Variants in CAP2 observed in about 807,000 individuals in gnomAD.
The protein encoded by CAP2 is adenylyl cyclase-associated protein 2.
Under a neutral mutation model 57.7 loss-of-function variants are expected in CAP2, and 24 were observed. The observed-to-expected ratio is 0.42, with a 90% CI of 0.30 to 0.58. The LOEUF (loss-of-function observed/expected upper bound fraction) is 0.58. CAP2 is among the 20% of genes least tolerant of loss of function. CAP2 has a pLI of 0.22. For synonymous variants in CAP2, 194 were observed against 207.2 expected, an observed-to-expected ratio of 0.94 and a Z score of 0.55; for missense variants, 501 against 590.3, an observed-to-expected ratio of 0.85 and a Z score of 1.57.
intron 4 of CAP2, among the ~76,000 whole-genome samples, chr6:17,494,939 T>C (rs1761628747): frequency 6.6e-6 from 1 of 152,182 alleles, no homozygotes; most frequent in South Asian, 2.1e-4. Context: ...GTTTTTTGTT[T>C]TGTTTTGTCC....
intron 3 of CAP2, among the ~76,000 whole-genome samples, chr6:17,438,217 T>C (rs1396508821): frequency 2.0e-5 from 3 of 149,738 alleles, no homozygotes; most frequent in Admixed American, 6.6e-5. Context: ...AATACAAAAA[T>C]TAGCTGGGCG....
chr6:17,400,679 T>C lies in CAP2; in HGVS notation c.-2+6933T>C, dbSNP rs185918067. The stretch of plus-strand genomic sequence containing the variant: ...GAGATCAAGACCATCCTAGCTAACA[T>C]GGTGAAACCCCGTCTGTACTAAAAA... On this transcript the variant is annotated intron_variant, in intron 1 of 12. Coordinates refer to ENST00000229922, the MANE Select transcript of CAP2 (RefSeq NM_006366.3). Among the ~76,000 whole-genome samples, 20 of 151,766 alleles carry C rather than the reference T, an allele frequency of 1.3e-4. No individual in the cohort carries two copies. The East Asian group carries it at 3.7e-3, about 28-fold the overall frequency.
intron 4 of CAP2, among the ~76,000 whole-genome samples, chr6:17,484,929 T>C (rs999557071): frequency 6.6e-6 from 1 of 152,214 alleles, no homozygotes; most frequent in African/African-American, 2.4e-5. Context: ...TTTATTTCAC[T>C]GTCTTTGAAA....
chr6:17,486,260 A>C (rs1266581830), intron 4 of CAP2, among the ~76,000 whole-genome samples: 1 of 152,228 alleles, frequency 6.6e-6, no homozygotes, highest in Non-Finnish European at 1.5e-5. Context: ...AAGTTGTGAC[A>C]GTTGATAATT....
chr6:17,540,381 G>A (rs1762869554), intron 8 of CAP2, among the ~76,000 whole-genome samples: 1 of 151,876 alleles, frequency 6.6e-6, no homozygotes, highest in Admixed American at 6.6e-5. Flanking sequence ...TTTTTCGTGA[G>A]GTGGTTTGCT....
intron 1 of CAP2, among the ~76,000 whole-genome samples, chr6:17,408,487 C>T (rs1448443989): frequency 6.6e-6 from 1 of 152,080 alleles, no homozygotes; most frequent in East Asian, 1.9e-4. Context: ...TCCCATTAGG[C>T]TCTACCTGGG....
intron 12 of CAP2, among the ~76,000 whole-genome samples, chr6:17,552,506 G>A (rs183743097): frequency 7.2e-5 from 11 of 152,122 alleles, no homozygotes; most frequent in African/African-American, 1.7e-4. Context: ...AAAATTAGCC[G>A]TGTGAATCCC....
chr6:17,540,879 T>C, intron 8 of CAP2, 94 bp from the exon 9 acceptor site: 1 of 1,263,136 alleles, frequency 7.9e-7, no homozygotes, highest in Non-Finnish European at 1.1e-6. Flanking sequence ...TACCAAAAGT[T>C]CTTGTGCTCT....
intron 6 of CAP2, among the ~76,000 whole-genome samples, chr6:17,511,461 AT>A (rs796338809): frequency 6.6e-6 from 1 of 151,304 alleles, no homozygotes; most frequent in Non-Finnish European, 1.5e-5. Flanking sequence ...TTTCTTTTTT[AT>A]TTTTTTTGAT....
intron 7 of CAP2, among the ~76,000 whole-genome samples, chr6:17,532,352 G>A (rs528823709): frequency 1.9e-4 from 28 of 150,796 alleles, no homozygotes; most frequent in Admixed American, 4.6e-4. Context: ...TGTTGGCCAG[G>A]CTGGTCTCGA....
At chr6:17,422,686 A>C (rs1759481060) in intron 2 of CAP2, among the ~76,000 whole-genome samples, 1 of 152,034 alleles carries the variant, frequency 6.6e-6, no homozygotes, top group Non-Finnish European at 1.5e-5. Flanking sequence ...CTAATACCAT[A>C]CTGTAAAACA....
chr6:17,449,254 C>T (rs1297635719), intron 3 of CAP2, among the ~76,000 whole-genome samples: 1 of 151,950 alleles, frequency 6.6e-6, no homozygotes, highest in Non-Finnish European at 1.5e-5. Context: ...ACCATGGGCT[C>T]CTTGCTAGCT....
Position 17,556,811 on chromosome 6 carries a change from T to C in CAP2, c.*369T>C, listed in dbSNP as rs750761677. ...CATTGCTAGTTAAAAAATAAAACCT[T>C]TGAGAATCTAAGATGTACATTTTTA... On this transcript the variant is annotated 3_prime_UTR_variant, in exon 13 of 13. Coordinates refer to ENST00000229922, the MANE Select transcript of CAP2 (RefSeq NM_006366.3). The C allele has an allele frequency of 2.2e-4, 40 of 184,324 alleles. No individual in the cohort carries two copies. Among genetic ancestry groups the C allele is most frequent in the Non-Finnish European group, 3.8e-4 (34 of 88,368 alleles). 11.4% of individuals were successfully genotyped at this position (184,324 alleles called of 1,614,324 possible). A position where few individuals can be genotyped will look rare whatever the true frequency, so the allele number is the denominator to read the frequency against.
chr6:17,541,775 G>A (rs185107506), intron 9 of CAP2, among the ~76,000 whole-genome samples: 1 of 152,154 alleles, frequency 6.6e-6, no homozygotes, highest in East Asian at 1.9e-4. Flanking sequence ...CTATATGTTC[G>A]TACCCATTAA....
At chr6:17,473,721 G>A (rs1397856161) in intron 4 of CAP2, among the ~76,000 whole-genome samples, 1 of 152,164 alleles carries the variant, frequency 6.6e-6, no homozygotes, top group Non-Finnish European at 1.5e-5. Flanking sequence ...AAATTACTTA[G>A]CAGAGGGCAT....
chr6:17,545,272 T>G (rs1763014420), intron 11 of CAP2, among the ~76,000 whole-genome samples: 1 of 152,162 alleles, frequency 6.6e-6, no homozygotes, highest in Non-Finnish European at 1.5e-5. Flanking sequence ...AAGCTCCCTT[T>G]CATTCGTACA....
At chr6:17,394,105 G>T (rs1758611214) in intron 1 of CAP2, among the ~76,000 whole-genome samples, 2 of 147,312 alleles carry the variant, frequency 1.4e-5, no homozygotes, top group South Asian at 4.5e-4. Context: ...CAGCGCCGCC[G>T]CCCGCCCGGC....
chr6:17,501,002 G>A (rs1454509828), intron 4 of CAP2, among the ~76,000 whole-genome samples: 4 of 152,160 alleles, frequency 2.6e-5, no homozygotes, highest in African/African-American at 7.2e-5. Flanking sequence ...AAATGTAGGT[G>A]GAACCCAAAC....
At chr6:17,413,211 A>T (rs1272337143) in intron 1 of CAP2, among the ~76,000 whole-genome samples, 1 of 152,198 alleles carries the variant, frequency 6.6e-6, no homozygotes, top group African/African-American at 2.4e-5. Flanking sequence ...CTCCAGTTTC[A>T]TGAAACATTG....
Sources: allele counts gnomAD v4.1 joint callset (sites outside exome capture counted in the v4.1 genomes callset), GRCh38; gene constraint gnomAD v4.1.1; transcripts MANE v1.5; gene names NCBI Gene and HGNC (gene_info 2026-07-23, HGNC 2026-07-21).